UPP2: variants seen among roughly 807,000 people sequenced by gnomAD.
UPP2 encodes the protein UPase 2.
A neutral mutation model predicts 26.7 loss-of-function variants in UPP2; 23 were observed. That is an observed-to-expected ratio of 0.86 (90% CI 0.62 to 1.22). UPP2 has a LOEUF of 1.22. Ranked by LOEUF, UPP2 falls within the 50% of genes most tolerant of loss-of-function variation. The probability of loss-of-function intolerance (pLI) is 0.00; values close to 1 mark genes in which losing one functional copy is unlikely to be tolerated. For synonymous variants in UPP2, 127 were observed against 141.3 expected, an observed-to-expected ratio of 0.90 and a Z score of 0.72; for missense variants, 387 against 396.7, an observed-to-expected ratio of 0.98 and a Z score of 0.21.
At chr2:158,083,862 GT>G (rs976548020) in intron 3 of UPP2, among the ~76,000 whole-genome samples, 36 of 136,066 alleles carry the variant, frequency 2.6e-4, no homozygotes, top group African/African-American at 1.0e-3. Context: ...ATATATATAT[GT>G]TTTTTATATA....
At chr2:158,042,190 T>C (rs1684090848) in intron 3 of UPP2, among the ~76,000 whole-genome samples, 1 of 152,136 alleles carries the variant, frequency 6.6e-6, no homozygotes, top group South Asian at 2.1e-4. Context: ...AAATCCTGAG[T>C]GTGGAGCATC....
At chr2:158,114,641 C>G (rs1001221847) in intron 2 of UPP2, among the ~76,000 whole-genome samples, 7 of 152,154 alleles carry the variant, frequency 4.6e-5, no homozygotes, top group African/African-American at 1.7e-4. Context: ...TACTCCATTT[C>G]ACAATACAAA....
At chr2:158,110,251 G>A (rs925550326) in intron 2 of UPP2, among the ~76,000 whole-genome samples, 17 of 152,186 alleles carry the variant, frequency 1.1e-4, no homozygotes, top group Admixed American at 2.6e-4. Flanking sequence ...GAGAACATGC[G>A]GTGTTTAGTT....
At chr2:158,129,150 G>T in intron 6 of UPP2, among the ~76,000 whole-genome samples, 1 of 151,790 alleles carries the variant, frequency 6.6e-6, no homozygotes, top group African/African-American at 2.4e-5. Flanking sequence ...GGATCATTTA[G>T]CGCCATTGAT....
At chr2:158,110,539 TCTAGTTCTAGATCCTTGAGGA>T (rs1276875812) in intron 2 of UPP2, among the ~76,000 whole-genome samples, 7 of 152,312 alleles carry the variant, frequency 4.6e-5, no homozygotes, top group East Asian at 3.9e-4. Flanking sequence ...AAATGATATT[TCTAGTTCTAGATCCTTGAGGA>T]CTAGTTCTAG....
intron 3 of UPP2, among the ~76,000 whole-genome samples, chr2:158,034,510 C>A (rs975581042): frequency 2.6e-5 from 4 of 152,172 alleles, no homozygotes; most frequent in African/African-American, 9.7e-5. Flanking sequence ...ACCAGCTCAG[C>A]CTTCAAGGAT....
At chr2:158,084,655 C>T (rs930665544) in intron 3 of UPP2, among the ~76,000 whole-genome samples, 26 of 152,142 alleles carry the variant, frequency 1.7e-4, no homozygotes, top group African/African-American at 5.8e-4. Flanking sequence ...TGATACACCT[C>T]GAGTTGACTT....
At chr2:158,050,384 T>C (rs1682132593) in intron 3 of UPP2, among the ~76,000 whole-genome samples, 1 of 149,036 alleles carries the variant, frequency 6.7e-6, no homozygotes, top group Non-Finnish European at 1.5e-5. Flanking sequence ...ACATGGATTA[T>C]TTAGTTTTTT....
At chr2:158,057,197 G>T (rs1466502674) in intron 3 of UPP2, among the ~76,000 whole-genome samples, 1 of 152,148 alleles carries the variant, frequency 6.6e-6, no homozygotes, top group Non-Finnish European at 1.5e-5. Flanking sequence ...GTAGTGTTTT[G>T]TCAGGTTTCT....
At chr2:158,072,198 C>T (rs1682553887) in intron 3 of UPP2, among the ~76,000 whole-genome samples, 1 of 152,074 alleles carries the variant, frequency 6.6e-6, no homozygotes, top group South Asian at 2.1e-4. Context: ...GGCAGAACTC[C>T]CTGCAAGCCA....
At chr2:158,134,478 T>C (rs1295861632) in intron 6 of UPP2, among the ~76,000 whole-genome samples, 2 of 152,206 alleles carry the variant, frequency 1.3e-5, no homozygotes, top group Non-Finnish European at 2.9e-5. Flanking sequence ...ACATGATGCT[T>C]TCCTGAGCCT....
chr2:158,125,911 C>T (rs561378873), intron 6 of UPP2, among the ~76,000 whole-genome samples: 2 of 152,328 alleles, frequency 1.3e-5, no homozygotes, highest in South Asian at 4.1e-4. Flanking sequence ...CAAGTGATCA[C>T]TTGAGTCATG....
intron 1 of UPP2, among the ~76,000 whole-genome samples, chr2:158,105,074 A>C (rs1683163248): frequency 7.0e-6 from 1 of 142,752 alleles, no homozygotes; most frequent in Non-Finnish European, 1.5e-5. Context: ...AAATGGAGGA[A>C]CAAAGAACAA....
chr2:158,042,679 C>A (rs1398738997), intron 3 of UPP2, among the ~76,000 whole-genome samples: 5 of 152,106 alleles, frequency 3.3e-5, no homozygotes, highest in Admixed American at 3.3e-4. Flanking sequence ...ATTGGGGAGA[C>A]TTTTTTGGGG....
At chr2:158,113,304 A>G (rs7574058) in intron 2 of UPP2, among the ~76,000 whole-genome samples, 3,425 of 152,312 alleles carry the variant, frequency 0.022, 107 homozygotes, top group African/African-American at 0.078. Flanking sequence ...TTTTCAAACT[A>G]CCGTACTGTG....
rs149871011 is a variant in UPP2 at position 158,119,967 on chromosome 2, C to T, written c.455-1442C>T. ...CAGAGACTGCAGTGAGCTGAGATCACCCCACTACATTACAGCCTGGGTGAC... is the reference window on the plus strand; with the variant it reads ...CAGAGACTGCAGTGAGCTGAGATCATCCCACTACATTACAGCCTGGGTGAC... On this transcript the variant is annotated intron_variant, in intron 4 of 6. Transcript: ENST00000005756. Among the ~76,000 whole-genome samples, 779 of 150,956 alleles carry T rather than the reference C, an allele frequency of 5.2e-3. 14 individuals are homozygous for T. The highest frequency in any genetic ancestry group is 8.5e-3 in the Non-Finnish European group (576 of 67,662).
chr2:158,097,150 T>C (rs1421097017), upstream of UPP2, among the ~76,000 whole-genome samples: 1 of 152,146 alleles, frequency 6.6e-6, no homozygotes, highest in Non-Finnish European at 1.5e-5. Flanking sequence ...TTAACAAACT[T>C]AGCACATAGT....
At chr2:158,052,842 C>A (rs924165897) in intron 3 of UPP2, among the ~76,000 whole-genome samples, 3 of 152,156 alleles carry the variant, frequency 2.0e-5, no homozygotes, top group African/African-American at 7.2e-5. Flanking sequence ...AGTCCCAAGA[C>A]TCAACTCTGC....
rs1479718766 is a variant in UPP2, at chr2:158,058,300, AAAAAAAAAAAAAAAAAAAAAAAAAG to A, written c.147+42417_147+42441del. Among the ~76,000 whole-genome samples, 516 of 53,240 alleles carry A rather than the reference AAAAAAAAAAAAAAAAAAAAAAAAAG, an allele frequency of 9.7e-3. 10 individuals are homozygous for A. The highest frequency in any genetic ancestry group is 0.044 in the African/African-American group (445 of 10,132). The allele number at this position is 53,240 out of a possible 152,430, so 34.9% of individuals were successfully genotyped here. On this transcript the variant is annotated intron_variant, in intron 3 of 9. Transcript: ENST00000605860. The stretch of plus-strand genomic sequence containing the variant: ...AGAGCGAGACTCCGTCTCAAAAAAA[AAAAAAAAAAAAAAAAAAAAAAAAAG>A]AAGAAGAAGAAGAAGAGACGCAAGG...
Sources: gnomAD v4.1 joint callset for allele counts (sites outside exome capture counted in the v4.1 genomes callset) on GRCh38, gnomAD v4.1.1 for gene constraint, MANE v1.5 for transcripts, NCBI Gene and HGNC (gene_info 2026-07-23, HGNC 2026-07-21) for gene names.